Variants in KAZALD1 observed in about 807,000 individuals in gnomAD.
KAZALD1 encodes the protein Kazal type serine peptidase inhibitor domain 1, also known as kazal-type serine protease inhibitor domain-containing protein 1.
Under a neutral mutation model 27.7 loss-of-function variants are expected in KAZALD1, and 31 were observed. The observed-to-expected ratio is 1.12, with a 90% CI of 0.84 to 1.51. KAZALD1 has a LOEUF of 1.51. Among genes scored for constraint, KAZALD1 ranks in the 40% most tolerant of loss-of-function variants. The pLI is 0.00. For missense variants in KAZALD1, 444 were observed against 408.9 expected (o/e 1.09, Z -0.74); for synonymous variants, 179 against 182.0 (o/e 0.98, Z 0.13).
Position 101,064,276 on chromosome 10 carries a change from C to T in KAZALD1, c.527C>T (p.Ser176Leu), listed in dbSNP as rs1217433384. The T allele has an allele frequency of 1.9e-6, 3 of 1,614,042 alleles. No homozygotes were observed. Among genetic ancestry groups the T allele is most frequent in the South Asian group, 1.1e-5 (1 of 91,066 alleles). Residue 176 changes from serine (S) to leucine (L), a missense_variant, in exon 3 of 5, where the codon TCA becomes TTA. Transcript: ENST00000370200. ...TCACCCCCAGGGCCCCAGATCGTGT[C>T]ACATCCATATGACACTTGGAATGTG... ...GPCESGPQIV[S>L]HPYDTWNVTG...
In KAZALD1 at chr10:101,065,275, G is replaced by T. The variant is rs1939291190; in HGVS notation, c.*355G>T. The stretch of plus-strand genomic sequence containing the variant: ...TTCTCCACTTCTTCCAGCCCTGCTG[G>T]GCCACAGTTCTAACTGCCCTTCCTC... On this transcript the variant is annotated 3_prime_UTR_variant, in exon 5 of 5. Coordinates refer to ENST00000370200, the MANE Select transcript of KAZALD1 (RefSeq NM_030929.5). The T allele has an allele frequency of 4.3e-6, 1 of 230,996 alleles. No homozygotes were observed. The allele number at this position is 230,996 out of a possible 1,614,324, so 14.3% of individuals were successfully genotyped here.
rs564585642 is a variant in KAZALD1, at chr10:101,063,087, G to A, written c.495G>A (p.Pro165=). 5 of 1,554,962 alleles carry A rather than the reference G, an allele frequency of 3.2e-6. No individual in the cohort carries two copies. The highest frequency in any genetic ancestry group is 1.4e-5 in the African/African-American group (1 of 73,524). The change falls in exon 2 of 5, where the codon CCG becomes CCA. Residue 165 remains proline (P), a synonymous_variant. Coordinates refer to ENST00000370200, the MANE Select transcript of KAZALD1 (RefSeq NM_030929.5). Reference sequence around the variant, plus strand: ...ATGCCAACCTCACTGTGGCACACCCGGGGCCCTGCGAATCGGGTACGCATG... The same window carrying A: ...ATGCCAACCTCACTGTGGCACACCCAGGGCCCTGCGAATCGGGTACGCATG... ...RPDANLTVAH[P]GPCESGPQIV...
chr10:101,065,907 A>G lies in KAZALD1; in HGVS notation c.*987A>G, dbSNP rs145707881. Reference sequence around the variant, plus strand: ...AGGGCTATGTGGGTTGGCCCCCAAAATGAAAGCATAAACTGGATAGAGGAG... The same window carrying G: ...AGGGCTATGTGGGTTGGCCCCCAAAGTGAAAGCATAAACTGGATAGAGGAG... On this transcript the variant is annotated 3_prime_UTR_variant, in exon 5 of 5. Transcript: ENST00000370200. 7.9e-5 allele frequency among the ~76,000 whole-genome samples: 12 copies of G among 152,334 alleles called. No homozygotes were observed. In the East Asian group the frequency reaches 2.3e-3, roughly 29 times the overall value.
chr10:101,065,030 G>A lies in KAZALD1; in HGVS notation c.*110G>A, dbSNP rs1362608229. ...TCCCTTCATCGACTGCTTTCATGCT[G>A]TCAGTAGGGATGATCATGGGAGGCC... is the stretch of plus-strand genomic sequence containing the variant. On this transcript the variant is annotated 3_prime_UTR_variant, in exon 5 of 5. Transcript: ENST00000370200. 26 of 744,110 alleles carry A rather than the reference G, an allele frequency of 3.5e-5. No homozygotes were observed. Among genetic ancestry groups the A allele is most frequent in the Middle Eastern group, 3.5e-4 (1 of 2,868 alleles). 46.1% of individuals were successfully genotyped at this position (744,110 alleles called of 1,614,324 possible). A position where few individuals can be genotyped will look rare whatever the true frequency, so the allele number is the denominator to read the frequency against.
intron 2 of KAZALD1, among the ~76,000 whole-genome samples, chr10:101,063,928 G>A (rs1939241248): frequency 6.6e-6 from 1 of 152,250 alleles, no homozygotes; most frequent in African/African-American, 2.4e-5. Context: ...TGGGGAGGGT[G>A]AAATGAGGAC....
In KAZALD1 at chr10:101,062,883, C is replaced by T. The variant is rs1343611560; in HGVS notation, c.291C>T (p.His97=). 1 of 1,603,286 alleles carries T rather than the reference C, an allele frequency of 6.2e-7. No homozygotes were observed. Among genetic ancestry groups the T allele is most frequent in the Non-Finnish European group, 8.5e-7 (1 of 1,179,704 alleles). ...GQLCDLDPSA[H]FYGHCGEQLE... ...TCTGCGACCTGGACCCCAGTGCTCA[C>T]TTCTACGGGCACTGCGGCGAGCAGC... The change falls in exon 2 of 5, where the codon CAC becomes CAT. Residue 97 remains histidine (H), a synonymous_variant. Transcript: ENST00000370200.
Position 101,063,045 on chromosome 10 carries a change from G to A in KAZALD1, c.453G>A (p.Ala151=), listed in dbSNP as rs1193046562. 5 of 1,585,470 alleles carry A rather than the reference G, an allele frequency of 3.2e-6. No individual in the cohort carries two copies. The highest frequency in any genetic ancestry group is 2.3e-5 in the East Asian group (1 of 44,154). The part of the protein sequence containing the change: ...TYSQICRLQE[A]ARARPDANLT... ...CCCAGATCTGCCGCCTGCAGGAGGC[G>A]GCCCGCGCTCGGCCCGATGCCAACC... The change falls in exon 2 of 5, where the codon GCG becomes GCA. Residue 151 remains alanine, a synonymous_variant. Coordinates refer to ENST00000370200, the MANE Select transcript of KAZALD1 (RefSeq NM_030929.5).
chr10:101,062,223 A>C, intron 1 of KAZALD1, 108 bp downstream of exon 1: 2 of 268,362 alleles, frequency 7.5e-6, no homozygotes, highest in African/African-American at 2.3e-5. Context: ...TCTTTGGGCA[A>C]GGATGCTCAG....
Position 101,063,051 on chromosome 10 carries a change from C to T in KAZALD1, c.459C>T (p.Arg153=), listed in dbSNP as rs1939209739. 1 of 1,582,808 alleles carries T rather than the reference C, an allele frequency of 6.3e-7. No individual in the cohort carries two copies. The highest frequency in any genetic ancestry group is 1.3e-5 in the African/African-American group (1 of 74,114). Residue 153 remains arginine (R), a synonymous_variant, in exon 2 of 5, where the codon CGC becomes CGT. Coordinates refer to ENST00000370200, the MANE Select transcript of KAZALD1 (RefSeq NM_030929.5). ...TCTGCCGCCTGCAGGAGGCGGCCCG[C>T]GCTCGGCCCGATGCCAACCTCACTG... The part of the protein sequence containing the change: ...SQICRLQEAA[R]ARPDANLTVA...
chr10:101,062,028 G>A lies in KAZALD1; in HGVS notation c.-139G>A, dbSNP rs1939166711. The A allele has an allele frequency of 6.5e-6, 1 of 153,366 alleles. No homozygotes were observed. The highest frequency in any genetic ancestry group is 6.5e-5 in the Admixed American group (1 of 15,340). The allele number at this position is 153,366 out of a possible 1,614,324, so 9.5% of individuals were successfully genotyped here. A position where few individuals can be genotyped will look rare whatever the true frequency, so the allele number is the denominator to read the frequency against. On this transcript the variant is annotated 5_prime_UTR_variant, in exon 1 of 5. Coordinates refer to ENST00000370200, the MANE Select transcript of KAZALD1 (RefSeq NM_030929.5). Reference sequence around the variant, plus strand: ...CGGAGCAGAGGTGGCCGGCGGGCCCGGCTGACTGCGCCTCTGCTTTCTTTC... The same window carrying A: ...CGGAGCAGAGGTGGCCGGCGGGCCCAGCTGACTGCGCCTCTGCTTTCTTTC...
At position 101,064,617 on chromosome 10, in the gene KAZALD1, G is replaced by A. The variant is rs1236830543; in HGVS notation, c.789G>A (p.Glu263=). 6.2e-7 allele frequency: 1 copy of A among 1,613,848 alleles called. No individual in the cohort carries two copies. Among genetic ancestry groups the A allele is most frequent in the South Asian group, 1.1e-5 (1 of 91,074 alleles). ...GCCGCAATGCCCTGGGTCAAGTGGA[G>A]GCCCCTGCTAGCTTGACAGTGCTCA... The part of the protein sequence containing the change: ...CLGRNALGQV[E]APASLTVLTP... The change falls in exon 4 of 5, where the codon GAG becomes GAA. Residue 263 remains glutamate (E), a synonymous_variant. Coordinates refer to ENST00000370200, the MANE Select transcript of KAZALD1 (RefSeq NM_030929.5).
chr10:101,067,901 G>A (rs1221316269), downstream of KAZALD1: 1 of 470,592 alleles, frequency 2.1e-6, no homozygotes, highest in Admixed American at 2.4e-5. Flanking sequence ...GGTGGGGGCT[G>A]GGGGGATGGC....
At chr10:101,067,120 C>T (rs983180845), downstream of KAZALD1, 10 of 351,702 alleles carry the variant, frequency 2.8e-5, no homozygotes, top group Non-Finnish European at 5.7e-5. Flanking sequence ...TTTCCCGCTG[C>T]TCCCGGGGGA....
chr10:101,063,237 A>C, intron 2 of KAZALD1, 134 bp downstream of exon 2: 2 of 734,122 alleles, frequency 2.7e-6, no homozygotes, highest in East Asian at 3.2e-5. Flanking sequence ...TCCAGTATAA[A>C]ACCCTGCTCT....
rs1462292091 is a variant in KAZALD1 at position 101,062,726 on chromosome 10, G to T, written c.134G>T (p.Arg45Leu). The change falls in exon 2 of 5, where the codon CGG (arginine) becomes CTG (leucine). Residue 45 changes from arginine (R) to leucine (L), a missense_variant. Arg to Leu is a moderately radical substitution (Grantham distance 102). Coordinates refer to ENST00000370200, the MANE Select transcript of KAZALD1 (RefSeq NM_030929.5). ...GATTACCTGCGGCGCGGCTGGATGCGGCTGCTAGCGGAGGGCGAGGGCTGC... is the reference window on the plus strand; with the variant it reads ...GATTACCTGCGGCGCGGCTGGATGCTGCTGCTAGCGGAGGGCGAGGGCTGC... ...GPDYLRRGWM[R>L]LLAEGEGCAP... The T allele has an allele frequency of 2.6e-6, 4 of 1,536,808 alleles. No homozygotes were observed. Among genetic ancestry groups the T allele is most frequent in the Middle Eastern group, 1.9e-4 (1 of 5,228 alleles).
Position 101,064,493 on chromosome 10 carries a change from G to A in KAZALD1, c.673-8G>A. On this transcript the variant is annotated splice_region_variant and splice_polypyrimidine_tract_variant and intron_variant, in intron 3 of 4. Transcript: ENST00000370200. Reference sequence around the variant, plus strand: ...GAAGGACCCTGCTGATTCCTTGCCTGGCTCCAGTTTAGGGGTGGACCCCAG... The same window carrying A: ...GAAGGACCCTGCTGATTCCTTGCCTAGCTCCAGTTTAGGGGTGGACCCCAG... The A allele has an allele frequency of 6.2e-7, 1 of 1,614,188 alleles. No homozygotes were observed. The highest frequency in any genetic ancestry group is 8.5e-7 in the Non-Finnish European group (1 of 1,180,020).
intron 1 of KAZALD1, 83 bp from the exon 2 acceptor site, chr10:101,062,459 G>T: frequency 7.3e-7 from 1 of 1,369,530 alleles, no homozygotes; most frequent in South Asian, 1.4e-5. Context: ...CTAGTGTCAT[G>T]CTTTGGTACA....
downstream of KAZALD1, chr10:101,067,166 A>C (rs1305492898): frequency 7.3e-6 from 3 of 412,482 alleles, no homozygotes; most frequent in Admixed American, 7.5e-5. Context: ...AGGGAGGAGG[A>C]GGGGGAGGCT....
downstream of KAZALD1, chr10:101,067,615 G>T: frequency 5.9e-6 from 2 of 338,752 alleles, no homozygotes; most frequent in South Asian, 2.3e-5. Flanking sequence ...TCCTCGGGCT[G>T]TCGTGAGGAG....
Sources: allele counts gnomAD v4.1 joint callset (sites outside exome capture counted in the v4.1 genomes callset), GRCh38; gene constraint gnomAD v4.1.1; transcripts MANE v1.5; gene names NCBI Gene and HGNC (gene_info 2026-07-23, HGNC 2026-07-21).